INPP5A: variants seen among roughly 807,000 people sequenced by gnomAD.
INPP5A encodes the protein 43 kDa inositol polyphosphate 5-phophatase.
INPP5A carries 14 observed loss-of-function variants against 65.2 expected under a neutral mutation model. That is an observed-to-expected ratio of 0.21 (90% CI 0.14 to 0.34). INPP5A has a LOEUF of 0.34. Among genes scored for constraint, INPP5A ranks in the 10% least tolerant of loss-of-function variants. The pLI, the probability that INPP5A is intolerant of heterozygous loss-of-function variation, is 1.00. For missense variants in INPP5A, 431 were observed against 545.6 expected (o/e 0.79, Z 2.09); for synonymous variants, 207 against 208.3 (o/e 0.99, Z 0.05).
rs1049800230 is a variant in INPP5A at position 132,659,778 on chromosome 10, C to T, written c.306+9273C>T. ...AGCACTGTCCCGAGTCAGGTCTGCACGGCTTCATGGCTGCCTGCCCTGGGA... is the reference window on the plus strand; with the variant it reads ...AGCACTGTCCCGAGTCAGGTCTGCATGGCTTCATGGCTGCCTGCCCTGGGA... On this transcript the variant is annotated intron_variant, in intron 4 of 15. Transcript: ENST00000368594. This position sits in a 1 kb window ranked among gnomAD's most constrained non-coding sequence, Gnocchi z 5.5. 1.4e-4 allele frequency among the ~76,000 whole-genome samples: 22 copies of T among 152,338 alleles called. No homozygotes were observed. Among genetic ancestry groups the T allele is most frequent in the African/African-American group, 2.4e-4 (10 of 41,568 alleles).
chr10:132,724,183 C>T (rs1341905815), intron 8 of INPP5A, among the ~76,000 whole-genome samples: 1 of 152,052 alleles, frequency 6.6e-6, no homozygotes, highest in Non-Finnish European at 1.5e-5. Flanking sequence ...AAAAGATCTG[C>T]AGAAAAGAAT....
chr10:132,654,464 T>G (rs992459448), intron 4 of INPP5A, among the ~76,000 whole-genome samples: 1 of 152,322 alleles, frequency 6.6e-6, no homozygotes, highest in East Asian at 1.9e-4. Flanking sequence ...CGCTGCCCCC[T>G]GGGCCACCAC....
Position 132,575,188 on chromosome 10 carries a change from G to A in INPP5A, c.76-32727G>A, listed in dbSNP as rs939493736. Among the ~76,000 whole-genome samples the A allele has an allele frequency of 2.6e-5, 4 of 152,198 alleles. No homozygotes were observed. The East Asian group carries it at 5.8e-4, about 22-fold the overall frequency. ...CTGCATTCTTCCTCCGCAGGCTGGC[G>A]TTTGCACCGGCCTGGACACATCGCA... is the stretch of plus-strand genomic sequence containing the variant. On this transcript the variant is annotated intron_variant, in intron 1 of 15. Transcript: ENST00000368594. This position sits in a 1 kb window ranked among gnomAD's most constrained non-coding sequence, Gnocchi z 5.4.
intron 1 of INPP5A, among the ~76,000 whole-genome samples, chr10:132,593,751 A>AT (rs34613726): frequency 0.25 from 37,395 of 152,022 alleles, 5,431 homozygotes; most frequent in East Asian, 0.5. Flanking sequence ...CAATTGGGAT[A>AT]TGATCTGCCT....
chr10:132,612,391 TGTTGA>T (rs2071971378), intron 2 of INPP5A, among the ~76,000 whole-genome samples: 1 of 152,028 alleles, frequency 6.6e-6, no homozygotes, highest in Non-Finnish European at 1.5e-5. Context: ...TTTTCTGTCC[TGTTGA>T]GTTAGAATTG....
At chr10:132,757,375 G>GT in intron 11 of INPP5A, among the ~76,000 whole-genome samples, 1 of 152,234 alleles carries the variant, frequency 6.6e-6, no homozygotes, top group East Asian at 1.9e-4. Flanking sequence ...TTTAGACCTT[G>GT]TTTTTACTGT....
rs2072555377 is a variant in INPP5A at position 132,650,195 on chromosome 10, G to C, written c.219-223G>C. Among the ~76,000 whole-genome samples the C allele has an allele frequency of 6.6e-6, 1 of 152,210 alleles. No individual in the cohort carries two copies. The highest frequency in any genetic ancestry group is 1.5e-5 in the Non-Finnish European group (1 of 68,032). ...CCCGGCATCTCACAGGCTGCGTGGA[G>C]ACCAGAGCCTGTGGGAGCTTGAGCT... On this transcript the variant is annotated intron_variant, in intron 3 of 15. Transcript: ENST00000368594. This position sits in a 1 kb window ranked among gnomAD's most constrained non-coding sequence, Gnocchi z 5.5.
At position 132,782,677 on chromosome 10, in the gene INPP5A, A is replaced by C. The variant is rs954431316; in HGVS notation, c.*648A>C. ...AAAACTTATGCTAAATATACTTTCC[A>C]GTATGAACGCACAGGAGAGTCCCAT... On this transcript the variant is annotated 3_prime_UTR_variant, in exon 16 of 16. Coordinates refer to ENST00000368594, the MANE Select transcript of INPP5A (RefSeq NM_005539.5). The surrounding 1 kb of genome is among the most constrained non-coding windows in gnomAD (Gnocchi z 4.4). 2.6e-5 allele frequency: 4 copies of C among 152,260 alleles called. No individual in the cohort carries two copies. Among genetic ancestry groups the C allele is most frequent in the African/African-American group, 9.7e-5 (4 of 41,392 alleles). 9.4% of individuals were successfully genotyped at this position (152,260 alleles called of 1,614,324 possible). A position where few individuals can be genotyped will look rare whatever the true frequency, so the allele number is the denominator to read the frequency against.
intron 5 of INPP5A, 29 bp downstream of exon 5, chr10:132,690,484 T>G (rs956931435): frequency 1.3e-6 from 2 of 1,558,684 alleles, no homozygotes; most frequent in Non-Finnish European, 1.8e-6. Flanking sequence ...TTCCGGGATT[T>G]TGTCTCGGCA....
At chr10:132,541,789 G>A (rs2070909524) in intron 1 of INPP5A, among the ~76,000 whole-genome samples, 1 of 152,224 alleles carries the variant, frequency 6.6e-6, no homozygotes, top group Non-Finnish European at 1.5e-5. Flanking sequence ...GGCCTCCTCA[G>A]CCCAGTCCTC....
rs1483867230 is a variant in INPP5A at position 132,547,037 on chromosome 10, T to C, written c.75+8866T>C. ...CCTCATTCCAGGAACCAGAGGAGAT[T>C]GAAGAACCCGAGACTTGGCTTTGGC... is the stretch of plus-strand genomic sequence containing the variant. On this transcript the variant is annotated intron_variant, in intron 1 of 15. Transcript: ENST00000368594. The surrounding 1 kb of genome is among the most constrained non-coding windows in gnomAD (Gnocchi z 5.5). Among the ~76,000 whole-genome samples, 1 of 152,162 alleles carries C rather than the reference T, an allele frequency of 6.6e-6. No individual in the cohort carries two copies.
chr10:132,543,485 CA>C (rs1211703446), intron 1 of INPP5A, among the ~76,000 whole-genome samples: 1 of 152,174 alleles, frequency 6.6e-6, no homozygotes, highest in African/African-American at 2.4e-5. Flanking sequence ...GGTGTGATCG[CA>C]GCTCACTGTA....
At chr10:132,554,046 T>C (rs903028048) in intron 1 of INPP5A, among the ~76,000 whole-genome samples, 1 of 151,342 alleles carries the variant, frequency 6.6e-6, no homozygotes, top group African/African-American at 2.4e-5. Flanking sequence ...TGGTGGCATA[T>C]TGAGTAGGAC....
intron 9 of INPP5A, among the ~76,000 whole-genome samples, chr10:132,746,958 G>T (rs1207590563): frequency 6.6e-6 from 1 of 152,228 alleles, no homozygotes; most frequent in Non-Finnish European, 1.5e-5. Flanking sequence ...GCTCTGGGGA[G>T]GGGTTTGGGG....
intron 5 of INPP5A, among the ~76,000 whole-genome samples, chr10:132,693,916 A>T (rs531428198): frequency 1.8e-4 from 27 of 152,322 alleles, no homozygotes; most frequent in African/African-American, 5.3e-4. Context: ...GAAACAGATG[A>T]ACCCACTATC....
chr10:132,613,420 C>T (rs1218055333), intron 2 of INPP5A, among the ~76,000 whole-genome samples: 2 of 152,222 alleles, frequency 1.3e-5, no homozygotes, highest in Non-Finnish European at 2.9e-5. Context: ...CAGCACCTGG[C>T]GTCCTTTCTG....
chr10:132,656,003 C>G (rs2072652829), intron 4 of INPP5A, among the ~76,000 whole-genome samples: 1 of 152,262 alleles, frequency 6.6e-6, no homozygotes, highest in Non-Finnish European at 1.5e-5. Context: ...GGCGTGGGCA[C>G]CTGCAGCAGC....
At chr10:132,574,454 C>A (rs1225086676) in intron 1 of INPP5A, among the ~76,000 whole-genome samples, 3 of 134,512 alleles carry the variant, frequency 2.2e-5, no homozygotes, top group East Asian at 2.3e-4. Context: ...GGTTTTGTTG[C>A]GATGTTGGGT....
At chr10:132,701,453 G>C (rs1193604198) in intron 6 of INPP5A, among the ~76,000 whole-genome samples, 1 of 152,238 alleles carries the variant, frequency 6.6e-6, no homozygotes, top group East Asian at 1.9e-4. Context: ...GGATGGAGGA[G>C]ACCCCCAGCC....
Sources: allele counts gnomAD v4.1 joint callset (sites outside exome capture counted in the v4.1 genomes callset), GRCh38; gene constraint gnomAD v4.1.1; non-coding constraint Gnocchi (gnomAD v3.1); transcripts MANE v1.5; gene names NCBI Gene and HGNC (gene_info 2026-07-23, HGNC 2026-07-21).